Variants in MAGI2 observed in about 807,000 individuals in gnomAD.
MAGI2 encodes the protein membrane-associated guanylate kinase, WW and PDZ domain-containing protein 2.
In MAGI2, 35 loss-of-function variants were observed where a neutral mutation model predicts 133.3. The ratio of observed to expected loss-of-function variants is 0.26; its 90% CI spans 0.20 to 0.35. The LOEUF is 0.35. Ranked by LOEUF, MAGI2 falls within the 10% of genes least tolerant of loss-of-function variation. MAGI2 has a pLI of 1.00. For synonymous variants in MAGI2, 729 were observed against 710.6 expected, an observed-to-expected ratio of 1.03 and a Z score of -0.41; for missense variants, 1,636 against 1,863.4, an observed-to-expected ratio of 0.88 and a Z score of 2.25.
intron 1 of MAGI2, chr7:79,414,534 G>T (rs1846366325): frequency 1.3e-5 from 2 of 152,068 alleles, no homozygotes; most frequent in African/African-American, 4.8e-5. Flanking sequence ...TGGCATTTCT[G>T]AAACCTTCCA....
rs558831542 is a variant in MAGI2 at position 78,667,635 on chromosome 7, G to A, written c.419-40396C>T. Among the ~76,000 whole-genome samples the A allele has an allele frequency of 2.7e-5, 4 of 148,522 alleles. No homozygotes were observed. In the Admixed American group the frequency reaches 2.7e-4, roughly 10 times the overall value. The stretch of plus-strand genomic sequence containing the variant: ...AATTCCCACCTATGAGTGAGAACAT[G>A]CAGTGTTTGGTTTTTTGTCCTTGCG... On this transcript the variant is annotated intron_variant, in intron 2 of 21. Coordinates refer to ENST00000354212, the MANE Select transcript of MAGI2 (RefSeq NM_012301.4).
chr7:78,542,033 G>T (rs551013653), intron 3 of MAGI2, among the ~76,000 whole-genome samples: 38 of 152,258 alleles, frequency 2.5e-4, no homozygotes, highest in African/African-American at 9.1e-4. Flanking sequence ...TGCTGTTGTC[G>T]CATGCAGGTA....
At chr7:79,000,383 A>AC (rs1284433718) in intron 2 of MAGI2, 1 of 152,204 alleles carries the variant, frequency 6.6e-6, no homozygotes, top group Non-Finnish European at 1.5e-5. Flanking sequence ...ACAAAAACAC[A>AC]TTGCCTTGTT....
At chr7:78,158,371 CA>C (rs1443450084) in intron 16 of MAGI2, 2 of 152,138 alleles carry the variant, frequency 1.3e-5, no homozygotes, top group Non-Finnish European at 2.9e-5. Context: ...AAAGGAAAAA[CA>C]ACCAAGGAAG....
intron 14 of MAGI2, among the ~76,000 whole-genome samples, chr7:78,169,158 GTTT>G: frequency 6.6e-6 from 1 of 152,338 alleles, no homozygotes; most frequent in East Asian, 1.9e-4. Context: ...GAGGCACTCA[GTTT>G]AGTGTGCATT....
At chr7:78,368,277 A>G (rs1793584499) in intron 7 of MAGI2, among the ~76,000 whole-genome samples, 1 of 152,224 alleles carries the variant, frequency 6.6e-6, no homozygotes. Context: ...CACTAAAGCC[A>G]ACCTGTAACT....
At chr7:78,881,852 T>C (rs75814209) in intron 2 of MAGI2, among the ~76,000 whole-genome samples, 341 of 150,468 alleles carry the variant, frequency 2.3e-3, no homozygotes, top group African/African-American at 8.2e-3. Context: ...GTCAGAAAGA[T>C]TTCAAATTAA....
chr7:78,096,039 AG>A (rs1209060681), intron 20 of MAGI2, among the ~76,000 whole-genome samples: 1 of 152,234 alleles, frequency 6.6e-6, no homozygotes, highest in Non-Finnish European at 1.5e-5. Flanking sequence ...AATTGTAAAA[AG>A]GGTTACCGAC....
At position 79,082,142 on chromosome 7, in the gene MAGI2, G is replaced by A. The variant is rs549393573; in HGVS notation, c.302-74936C>T. 4.6e-5 allele frequency among the ~76,000 whole-genome samples: 7 copies of A among 152,054 alleles called. No homozygotes were observed. The South Asian group carries it at 1.5e-3, about 32-fold the overall frequency. ...CACTCCATTACCAGATATATGATTT[G>A]CACATATTTTCTTCCATCACATGAG... is the stretch of plus-strand genomic sequence containing the variant. On this transcript the variant is annotated intron_variant, in intron 1 of 21. Coordinates refer to ENST00000354212, the MANE Select transcript of MAGI2 (RefSeq NM_012301.4).
At chr7:78,319,430 T>C (rs1787767764) in intron 9 of MAGI2, among the ~76,000 whole-genome samples, 1 of 152,214 alleles carries the variant, frequency 6.6e-6, no homozygotes, top group Non-Finnish European at 1.5e-5. Context: ...TAACAGTGTC[T>C]CACACCACAG....
At chr7:78,720,550 A>G (rs1336445539) in intron 2 of MAGI2, among the ~76,000 whole-genome samples, 1 of 151,778 alleles carries the variant, frequency 6.6e-6, no homozygotes, top group Non-Finnish European at 1.5e-5. Flanking sequence ...ATTATTCATT[A>G]CATGTCAGAA....
intron 6 of MAGI2, among the ~76,000 whole-genome samples, chr7:78,415,961 G>A (rs1240013437): frequency 6.6e-6 from 1 of 152,064 alleles, no homozygotes; most frequent in Non-Finnish European, 1.5e-5. Flanking sequence ...TTTCTGGGAG[G>A]CAAATCTATT....
intron 6 of MAGI2, among the ~76,000 whole-genome samples, chr7:78,480,385 A>C (rs12705483): frequency 0.14 from 21,880 of 151,942 alleles, 1,862 homozygotes; most frequent in Middle Eastern, 0.21. Flanking sequence ...AGTACAAAAA[A>C]AAATTACAGA....
chr7:78,754,381 A>G (rs746940793), intron 2 of MAGI2, among the ~76,000 whole-genome samples: 291 of 151,062 alleles, frequency 1.9e-3, no homozygotes, highest in Middle Eastern at 3.5e-3. Context: ...AAATAAATAA[A>G]TAAATAAATA....
chr7:78,083,594 A>T (rs1193819451), intron 20 of MAGI2, among the ~76,000 whole-genome samples: 1 of 152,222 alleles, frequency 6.6e-6, no homozygotes, highest in Non-Finnish European at 1.5e-5. Flanking sequence ...AAATACTTTT[A>T]TCTGTGGTCC....
chr7:78,967,904 C>T (rs1803469259), intron 2 of MAGI2, among the ~76,000 whole-genome samples: 1 of 152,136 alleles, frequency 6.6e-6, no homozygotes, highest in Non-Finnish European at 1.5e-5. Flanking sequence ...AATCTTGGCT[C>T]ACTGTAACTT....
intron 21 of MAGI2, among the ~76,000 whole-genome samples, chr7:78,056,769 G>T (rs775746289): frequency 5.9e-5 from 9 of 152,058 alleles, no homozygotes; most frequent in Non-Finnish European, 1.0e-4. Flanking sequence ...CATGGCACAT[G>T]TTTACCTGCA....
Position 78,628,860 on chromosome 7 carries a change from A to G in MAGI2, c.419-1621T>C, listed in dbSNP as rs945226972. Among the ~76,000 whole-genome samples the G allele has an allele frequency of 2.6e-5, 4 of 151,240 alleles. No individual in the cohort carries two copies. In the East Asian group the frequency reaches 7.8e-4, roughly 29 times the overall value. On this transcript the variant is annotated intron_variant, in intron 2 of 21. Coordinates refer to ENST00000354212, the MANE Select transcript of MAGI2 (RefSeq NM_012301.4). ...TTTATGTGCTTAACCCTTGTGAATT[A>G]AAAGTGCATTAACATGGTTTTTGGC... is the stretch of plus-strand genomic sequence containing the variant.
intron 1 of MAGI2, among the ~76,000 whole-genome samples, chr7:79,233,305 T>A (rs1404712198): frequency 9.1e-6 from 1 of 109,594 alleles, no homozygotes; most frequent in East Asian, 2.8e-4. Flanking sequence ...AGATGTCTAT[T>A]AGGTCTGCTT....
Sources: allele counts gnomAD v4.1 joint callset (sites outside exome capture counted in the v4.1 genomes callset), GRCh38; gene constraint gnomAD v4.1.1; transcripts MANE v1.5; gene names NCBI Gene and HGNC (gene_info 2026-07-23, HGNC 2026-07-21).